The following BNC2 variants were observed in gnomAD, a reference collection of about 807,000 sequenced individuals.
BNC2 encodes the protein zinc finger protein basonuclin-2.
In BNC2, 20 loss-of-function variants were observed where a neutral mutation model predicts 76.3. The observed-to-expected ratio is 0.26, with a 90% CI of 0.18 to 0.38. The LOEUF (loss-of-function observed/expected upper bound fraction) is 0.38, where lower values mean the gene tolerates loss of function less well. Ranked by LOEUF, BNC2 falls within the 10% of genes least tolerant of loss-of-function variation. The probability of loss-of-function intolerance (pLI) is 1.00; values close to 1 mark genes in which losing one functional copy is unlikely to be tolerated. For missense variants in BNC2, 1,382 were observed against 1,399.8 expected (o/e 0.99, Z 0.20); for synonymous variants, 582 against 514.8 (o/e 1.13, Z -1.77).
chr9:16,735,117 G>C (rs1469625523), intron 2 of BNC2, among the ~76,000 whole-genome samples: 12 of 152,174 alleles, frequency 7.9e-5, no homozygotes, highest in Admixed American at 7.9e-4. Flanking sequence ...GTAGGGTATG[G>C]TAGATGAGGT....
chr9:16,647,955 C>T (rs1207375197), intron 3 of BNC2, among the ~76,000 whole-genome samples: 2 of 152,048 alleles, frequency 1.3e-5, no homozygotes, highest in Non-Finnish European at 2.9e-5. Context: ...TGAATTCCCA[C>T]CACCAGAAAA....
At chr9:16,727,526 C>G in intron 3 of BNC2, 2 of 426,310 alleles carry the variant, frequency 4.7e-6, no homozygotes, top group Non-Finnish European at 8.3e-6. Flanking sequence ...TTCCCCTGAC[C>G]CAGATTGTAC....
At chr9:16,498,514 G>T (rs951091642) in intron 5 of BNC2, among the ~76,000 whole-genome samples, 1 of 151,100 alleles carries the variant, frequency 6.6e-6, no homozygotes, top group Non-Finnish European at 1.5e-5. Context: ...GGGGACTTAG[G>T]GGGAAGAGTG....
chr9:16,487,770 A>G (rs1389932463), intron 5 of BNC2, among the ~76,000 whole-genome samples: 1 of 152,232 alleles, frequency 6.6e-6, no homozygotes, highest in East Asian at 1.9e-4. Flanking sequence ...ATTCAGAAAT[A>G]AACATTTCTC....
At chr9:16,862,893 A>C (rs1819445486) in intron 1 of BNC2, among the ~76,000 whole-genome samples, 1 of 140,134 alleles carries the variant, frequency 7.1e-6, no homozygotes, top group South Asian at 2.4e-4. Flanking sequence ...AGATTCATCT[A>C]TATATAGCTA....
chr9:16,736,460 TTTA>T (rs1644733892), intron 2 of BNC2, among the ~76,000 whole-genome samples: 1 of 151,068 alleles, frequency 6.6e-6, no homozygotes, highest in Non-Finnish European at 1.5e-5. Context: ...ATTATTATTG[TTTA>T]TTATTATGAT....
intron 5 of BNC2, among the ~76,000 whole-genome samples, chr9:16,537,916 A>C (rs1818178411): frequency 6.6e-6 from 1 of 152,214 alleles, no homozygotes; most frequent in South Asian, 2.1e-4. Flanking sequence ...TTCTCCTTCT[A>C]AGGGTGTGCC....
At chr9:16,744,375 A>C (rs1355125011) in intron 1 of BNC2, among the ~76,000 whole-genome samples, 2 of 152,152 alleles carry the variant, frequency 1.3e-5, no homozygotes, top group African/African-American at 4.8e-5. Context: ...TCTCAAAAAG[A>C]CCTCCCAAAT....
intron 1 of BNC2, 96 bp downstream of exon 1, chr9:16,870,550 G>A: frequency 2.8e-6 from 4 of 1,446,466 alleles, no homozygotes; most frequent in Non-Finnish European, 3.8e-6. Flanking sequence ...CCGGAGGGCG[G>A]ACACGGCCCC....
intron 3 of BNC2, among the ~76,000 whole-genome samples, chr9:16,612,254 T>C (rs867620061): frequency 1.8e-4 from 27 of 152,254 alleles, no homozygotes; most frequent in South Asian, 8.3e-4. Flanking sequence ...AAATAAACAA[T>C]TAATAGAATG....
chr9:16,751,265 T>A (rs1263517405), intron 1 of BNC2, among the ~76,000 whole-genome samples: 1 of 105,098 alleles, frequency 9.5e-6, no homozygotes, highest in East Asian at 1.9e-4. Flanking sequence ...TGAAAATGGT[T>A]TAAAAAAAAA....
chr9:16,620,924 G>C (rs1820848979), intron 3 of BNC2, among the ~76,000 whole-genome samples: 1 of 152,090 alleles, frequency 6.6e-6, no homozygotes, highest in African/African-American at 2.4e-5. Context: ...ACCTGGAACT[G>C]CTATACCTTA....
At position 16,839,841 on chromosome 9, in the gene BNC2, G is replaced by C. The variant is rs182561716; in HGVS notation, c.3+30805C>G. ...CAAATGATTAGTCAACCAATGCGGT[G>C]TGGTGCATGTACCTACGTACAAACA... On this transcript the variant is annotated intron_variant, in intron 1 of 6. Coordinates refer to ENST00000380672, the MANE Select transcript of BNC2 (RefSeq NM_017637.6). Among the ~76,000 whole-genome samples, 100 of 152,060 alleles carry C rather than the reference G, an allele frequency of 6.6e-4. 1 individual carries two copies. The East Asian group carries it at 0.019, about 28-fold the overall frequency.
At chr9:16,793,533 C>G (rs573314008) in intron 1 of BNC2, among the ~76,000 whole-genome samples, 1 of 152,000 alleles carries the variant, frequency 6.6e-6, no homozygotes, top group Non-Finnish European at 1.5e-5. Flanking sequence ...CCAGGCTGGC[C>G]TCAAGGGATT....
At chr9:16,784,637 G>C (rs992176002) in intron 1 of BNC2, among the ~76,000 whole-genome samples, 1 of 152,202 alleles carries the variant, frequency 6.6e-6, no homozygotes, top group Non-Finnish European at 1.5e-5. Context: ...TTTTGGGGCT[G>C]AGCACTGGCA....
intron 1 of BNC2, among the ~76,000 whole-genome samples, chr9:16,769,034 C>G (rs1825766292): frequency 6.6e-6 from 1 of 152,068 alleles, no homozygotes; most frequent in Non-Finnish European, 1.5e-5. Flanking sequence ...AAATGGGGAA[C>G]AATGGAAGAG....
chr9:16,772,460 A>G (rs1200032368), intron 1 of BNC2, among the ~76,000 whole-genome samples: 5 of 152,152 alleles, frequency 3.3e-5, no homozygotes, highest in African/African-American at 1.2e-4. Context: ...CAGGCAGAAA[A>G]TCCAATAGCT....
At chr9:16,530,152 GTGTTTTT>G (rs983393648) in intron 5 of BNC2, among the ~76,000 whole-genome samples, 23 of 152,040 alleles carry the variant, frequency 1.5e-4, no homozygotes, top group African/African-American at 5.1e-4. Context: ...AAAAAGTGAA[GTGTTTTT>G]TGTTTTTTGT....
chr9:16,756,096 G>T (rs1825377962), intron 1 of BNC2, among the ~76,000 whole-genome samples: 1 of 152,284 alleles, frequency 6.6e-6, no homozygotes, highest in Non-Finnish European at 1.5e-5. Context: ...CCCTTTCTTT[G>T]TCTCTCAAAG....
Sources: gnomAD v4.1 joint callset for allele counts (sites outside exome capture counted in the v4.1 genomes callset) on GRCh38, gnomAD v4.1.1 for gene constraint, MANE v1.5 for transcripts, NCBI Gene and HGNC (gene_info 2026-07-23, HGNC 2026-07-21) for gene names.